The following APLP2 variants were observed in gnomAD, a reference collection of about 807,000 sequenced individuals.
The protein encoded by APLP2 is CDEI box-binding protein.
Under a neutral mutation model 89.9 loss-of-function variants are expected in APLP2, and 53 were observed. The ratio of observed to expected loss-of-function variants is 0.59; its 90% confidence interval spans 0.47 to 0.74. The LOEUF (loss-of-function observed/expected upper bound fraction) is 0.74. Among genes scored for constraint, APLP2 ranks in the 30% least tolerant of loss-of-function variants. The pLI is 0.00. For missense variants in APLP2, 973 were observed against 975.9 expected, an observed-to-expected ratio of 1.00 and a Z score of 0.04; for synonymous variants, 372 against 348.6, an observed-to-expected ratio of 1.07 and a Z score of -0.75.
rs536291649 is a variant in APLP2, at chr11:130,079,083, T to TTTTA, written c.105+9029_105+9032dup. 3.3e-3 allele frequency among the ~76,000 whole-genome samples: 427 copies of TTTTA among 130,740 alleles called. 2 individuals carry two copies. The highest frequency in any genetic ancestry group is 0.019 in the East Asian group (77 of 3,970). 85.8% of individuals were successfully genotyped at this position (130,740 alleles called of 152,430 possible). On this transcript the variant is annotated intron_variant, in intron 1 of 16. Coordinates refer to ENST00000338167, the MANE Select transcript of APLP2 (RefSeq NM_001142276.2). ...AATCCGGGAACATGACATGTATTTTTTTTATTTATTTATTTATTTATTTAT... is the reference window on the plus strand; with the variant it reads ...AATCCGGGAACATGACATGTATTTTTTTTATTTATTTATTTATTTATTTATTTAT...
At chr11:130,142,424 A>C (rs1210285803) in intron 16 of APLP2, among the ~76,000 whole-genome samples, 1 of 152,032 alleles carries the variant, frequency 6.6e-6, no homozygotes, top group East Asian at 1.9e-4. Context: ...AAATTTAGAA[A>C]GTGCTGAAGC....
At chr11:130,092,710 A>AGGGGGC (rs1190624016) in intron 1 of APLP2, among the ~76,000 whole-genome samples, 1 of 15,334 alleles carries the variant, frequency 6.5e-5, no homozygotes, top group Non-Finnish European at 1.2e-4. Flanking sequence ...GGGGGGAGGG[A>AGGGGGC]GGGGGAGGGG....
At chr11:130,105,384 C>T (rs1052074534) in intron 1 of APLP2, among the ~76,000 whole-genome samples, 3 of 152,086 alleles carry the variant, frequency 2.0e-5, no homozygotes, top group East Asian at 3.9e-4. Flanking sequence ...CCATTGCACT[C>T]CACGTGGGTG....
chr11:130,085,994 T>C (rs1349854207), intron 1 of APLP2, among the ~76,000 whole-genome samples: 1 of 152,256 alleles, frequency 6.6e-6, no homozygotes. Context: ...ACAATGCTGC[T>C]ATGAAAATTG....
chr11:130,108,887 A>C (rs1008079771), intron 1 of APLP2: 5 of 152,314 alleles, frequency 3.3e-5, no homozygotes, highest in Admixed American at 3.3e-4. Flanking sequence ...GGTTGAGTTC[A>C]TGTCCTTTGT....
At chr11:130,097,650 C>T (rs1426510163) in intron 1 of APLP2, among the ~76,000 whole-genome samples, 1 of 152,074 alleles carries the variant, frequency 6.6e-6, no homozygotes, top group Admixed American at 6.5e-5. Context: ...TGAGCTCCAG[C>T]CTGGGCGACA....
intron 1 of APLP2, among the ~76,000 whole-genome samples, chr11:130,103,450 G>T (rs1404314321): frequency 6.6e-6 from 1 of 152,058 alleles, no homozygotes; most frequent in Non-Finnish European, 1.5e-5. Context: ...GTGCTTAGCT[G>T]CCTCTTCCTG....
chr11:130,093,710 C>T (rs192270732), intron 1 of APLP2, among the ~76,000 whole-genome samples: 1 of 152,044 alleles, frequency 6.6e-6, no homozygotes, highest in South Asian at 2.1e-4. Flanking sequence ...GTTCAGAATA[C>T]CAGAGATTGG....
chr11:130,119,945 C>T (rs1949630817), intron 3 of APLP2, among the ~76,000 whole-genome samples: 1 of 152,094 alleles, frequency 6.6e-6, no homozygotes, highest in Admixed American at 6.5e-5. Flanking sequence ...TAGGATAGTT[C>T]CCTAGTCTTT....
Position 130,133,646 on chromosome 11 carries a change from C to T in APLP2, c.1602C>T (p.His534=), listed in dbSNP as rs117077516. The change falls in exon 12 of 17, where the codon CAC becomes CAT. Residue 534 remains histidine (H), a synonymous_variant. Coordinates refer to ENST00000338167, the MANE Select transcript of APLP2 (RefSeq NM_001142276.2). The stretch of plus-strand genomic sequence containing the variant: ...GCTTCCAGGTGATGACACATCTCCA[C>T]GTGATTGAAGAAAGGAGGAACCAAA... ...QMKSQVMTHL[H]VIEERRNQSL... is the part of the protein sequence containing the mutation. 20 of 1,613,984 alleles carry T rather than the reference C, an allele frequency of 1.2e-5. No individual in the cohort carries two copies. Among genetic ancestry groups the T allele is most frequent in the Middle Eastern group, 1.7e-4 (1 of 6,060 alleles).
intron 1 of APLP2, among the ~76,000 whole-genome samples, chr11:130,075,302 C>T (rs1189596326): frequency 1.3e-5 from 2 of 152,110 alleles, no homozygotes; most frequent in African/African-American, 4.8e-5. Context: ...GTGCATACCA[C>T]CACATTCGGC....
chr11:130,116,635 T>C (rs1185865992), intron 3 of APLP2, among the ~76,000 whole-genome samples: 1 of 151,992 alleles, frequency 6.6e-6, no homozygotes, highest in South Asian at 2.1e-4. Context: ...CACGCCTGGC[T>C]CATTTTTACT....
In APLP2 at chr11:130,070,037, G is replaced by A. The variant is rs1377886931; in HGVS notation, c.60G>A (p.Leu20=). 5.3e-6 allele frequency: 8 copies of A among 1,514,338 alleles called. No homozygotes were observed. In the South Asian group the frequency reaches 8.5e-5, roughly 16 times the overall value. 93.8% of individuals were successfully genotyped at this position (1,514,338 alleles called of 1,614,324 possible). A position where few individuals can be genotyped will look rare whatever the true frequency, so the allele number is the denominator to read the frequency against. The change falls in exon 1 of 17, where the codon CTG becomes CTA. Residue 20 remains leucine, a synonymous_variant. Transcript: ENST00000338167. ...AATGRLLLLL[L]VGLTAPALAL... is the part of the protein sequence containing the mutation. ...CGGGCAGGCTCCTGCTTCTGCTGCT[G>A]GTGGGGCTCACGGCGCCTGCCTTGG...
chr11:130,143,311 A>C, intron 16 of APLP2, 36 bp from the exon 17 acceptor site: 1 of 1,593,816 alleles, frequency 6.3e-7, no homozygotes, highest in Middle Eastern at 1.7e-4. Context: ...GTCTCTTCCC[A>C]GACACCACAA....
chr11:130,137,266 G>A (rs762467534), intron 13 of APLP2: 4 of 1,613,824 alleles, frequency 2.5e-6, no homozygotes, highest in Non-Finnish European at 1.7e-6. Context: ...ACACTCAGCC[G>A]GAGTTGTACC....
Position 130,141,560 on chromosome 11 carries a change from C to G in APLP2, c.1986C>G (p.Leu662=). 6.2e-7 allele frequency: 1 copy of G among 1,613,848 alleles called. No homozygotes were observed. The highest frequency in any genetic ancestry group is 8.5e-7 in the Non-Finnish European group (1 of 1,179,904). Reference sequence around the variant, plus strand: ...TCAATGCCGAGAGAGTTGGAGGCCTCGAGGAAGAGCGGGTACGTGTTTAGC... The same window carrying G: ...TCAATGCCGAGAGAGTTGGAGGCCTGGAGGAAGAGCGGGTACGTGTTTAGC... The part of the protein sequence containing the change: ...MIFNAERVGG[L]EEERESVGPL... The change falls in exon 15 of 17, where the codon CTC becomes CTG. Residue 662 remains leucine (L), a synonymous_variant. Transcript: ENST00000338167. The surrounding 1 kb of genome is among the most constrained non-coding windows in gnomAD (Gnocchi z 4.2).
At chr11:130,129,378 G>GT (rs1454267461) in intron 10 of APLP2, among the ~76,000 whole-genome samples, 172 bp downstream of exon 10, 1 of 152,208 alleles carries the variant, frequency 6.6e-6, no homozygotes, top group Non-Finnish European at 1.5e-5. Context: ...GTGTATATAA[G>GT]CTAAGCATGA....
chr11:130,136,751 C>G (rs991151247), intron 13 of APLP2, among the ~76,000 whole-genome samples: 1 of 152,162 alleles, frequency 6.6e-6, no homozygotes, highest in Non-Finnish European at 1.5e-5. Flanking sequence ...GCCATGCCAC[C>G]CGCAAATCTC....
rs375624657 is a variant in APLP2, at chr11:130,123,775, G to C, written c.1086G>C (p.Ala362=). 2.0e-5 allele frequency: 33 copies of C among 1,614,016 alleles called. No homozygotes were observed. The highest frequency in any genetic ancestry group is 2.5e-5 in the Non-Finnish European group (29 of 1,179,986). ...ATTATTGTATGGCTGTGTGTAAAGC[G>C]ATGAGTAAGTCCTGCCTCGCGCTGG... is the stretch of plus-strand genomic sequence containing the variant. The part of the protein sequence containing the change: ...SEDYCMAVCK[A]MIPPTPLPTN... Residue 362 remains alanine, a synonymous_variant, in exon 7 of 17, where the codon GCG becomes GCC. Transcript: ENST00000338167. This position sits in a 1 kb window ranked among gnomAD's most constrained non-coding sequence, Gnocchi z 4.0.
Sources: allele counts gnomAD v4.1 joint callset (sites outside exome capture counted in the v4.1 genomes callset), GRCh38; gene constraint gnomAD v4.1.1; non-coding constraint Gnocchi (gnomAD v3.1); transcripts MANE v1.5; gene names NCBI Gene and HGNC (gene_info 2026-07-23, HGNC 2026-07-21).